COL6A3: variants seen among roughly 807,000 people sequenced by gnomAD.
COL6A3 encodes the protein collagen alpha-3(VI) chain.
COL6A3 carries 137 observed loss-of-function variants against 274.1 expected under a neutral mutation model. The ratio of observed to expected loss-of-function variants is 0.50; its 90% CI spans 0.44 to 0.58. COL6A3 has a LOEUF of 0.58. Ranked by LOEUF, COL6A3 falls within the 20% of genes least tolerant of loss-of-function variation. The pLI is 0.00. For synonymous variants in COL6A3, 1,650 were observed against 1,650.6 expected (o/e 1.00, Z 0.01); for missense variants, 3,950 against 4,124.9 (o/e 0.96, Z 1.16).
At position 237,357,060 on chromosome 2, in the gene COL6A3, A is replaced by C. The variant is rs1232361728; in HGVS notation, c.6591+278T>G. 5.5e-6 allele frequency: 3 copies of C among 541,510 alleles called. No homozygotes were observed. In the African/African-American group the frequency reaches 5.7e-5, roughly 10 times the overall value. The allele number at this position is 541,510 out of a possible 1,614,324, so 33.5% of individuals were successfully genotyped here. On this transcript the variant is annotated intron_variant, in intron 23 of 43. Coordinates refer to ENST00000295550, the MANE Select transcript of COL6A3 (RefSeq NM_004369.4). The stretch of plus-strand genomic sequence containing the variant: ...TTGGGTCTCTTAAATATTTAGTTGG[A>C]TCAAACCTGGCCCGATATTTGAAAG...
rs896328556 is a variant in COL6A3 at position 237,385,571 on chromosome 2, C to T, written c.1312+2011G>A. 2.6e-5 allele frequency among the ~76,000 whole-genome samples: 4 copies of T among 152,210 alleles called. No individual in the cohort carries two copies. In the East Asian group the frequency reaches 7.7e-4, roughly 29 times the overall value. On this transcript the variant is annotated intron_variant, in intron 4 of 43. Transcript: ENST00000295550. Reference sequence around the variant, plus strand: ...CAGAAGACCCAAGACCAGAGACCAGCTTTCCCATCTACAGCCATGTTGCAT... The same window carrying T: ...CAGAAGACCCAAGACCAGAGACCAGTTTTCCCATCTACAGCCATGTTGCAT...
At chr2:237,369,212 T>A (rs757347877) in intron 9 of COL6A3, 35 bp from the exon 10 acceptor site, 39 of 1,601,240 alleles carry the variant, frequency 2.4e-5, no homozygotes, top group Non-Finnish European at 3.3e-5. Context: ...AAACATTCAG[T>A]GTGTAAGTAG....
intron 11 of COL6A3, among the ~76,000 whole-genome samples, 172 bp downstream of exon 11, chr2:237,366,515 C>T (rs2077556169): frequency 6.6e-6 from 1 of 152,108 alleles, no homozygotes; most frequent in African/African-American, 2.4e-5. Flanking sequence ...CTTGGAAGAA[C>T]GCCCTAGGTA....
Position 237,377,337 on chromosome 2 carries a change from C to T in COL6A3, c.2505G>A (p.Lys835=), listed in dbSNP as rs892390706. ...EEVPLAQPES[K]RDILFLFDGS... ...CGTCAAAGAGGAACAGAATGTCTCG[C>T]TTGCTCTCTGCAATGAAGGTAGATT... The change falls in exon 7 of 44, where the codon AAG becomes AAA. Residue 835 remains lysine (K), a synonymous_variant. Transcript: ENST00000295550. 15 of 1,599,904 alleles carry T rather than the reference C, an allele frequency of 9.4e-6. No individual in the cohort carries two copies. Among genetic ancestry groups the T allele is most frequent in the Admixed American group, 1.7e-5 (1 of 60,002 alleles).
At chr2:237,346,426 A>T in intron 32 of COL6A3, 77 bp downstream of exon 32, 1 of 1,246,508 alleles carries the variant, frequency 8.0e-7, no homozygotes, top group Non-Finnish European at 1.2e-6. Context: ...AGCAAAGCAG[A>T]TGGTGGGAAG....
rs771629624 is a variant in COL6A3 at position 237,348,403 on chromosome 2, T to A, written c.6931-19A>T. ...TTTCTCCCTATAAAGGAAAAATAGA[T>A]TATTTAATACTTGGTTCTAATTTAA... On this transcript the variant is annotated intron_variant, in intron 29 of 43. Transcript: ENST00000295550. 6.3e-6 allele frequency: 10 copies of A among 1,575,316 alleles called. No homozygotes were observed. Among genetic ancestry groups the A allele is most frequent in the Non-Finnish European group, 8.7e-6 (10 of 1,144,792 alleles).
chr2:237,396,579 T>C, intron 2 of COL6A3, 148 bp downstream of exon 2: 1 of 797,576 alleles, frequency 1.3e-6, no homozygotes, highest in South Asian at 1.5e-5. Flanking sequence ...CTATAAATCC[T>C]AGAACTATCC....
intron 4 of COL6A3, among the ~76,000 whole-genome samples, chr2:237,385,218 C>G (rs79284024): frequency 6.6e-6 from 1 of 152,170 alleles, no homozygotes; most frequent in African/African-American, 2.4e-5. Context: ...CTGTAACAGA[C>G]GAGCAGCCAC....
At position 237,372,947 on chromosome 2, in the gene COL6A3, TGAGAG is replaced by T. The variant is rs2077732033; in HGVS notation, c.3680-615_3680-611del. On this transcript the variant is annotated intron_variant, in intron 8 of 43. Transcript: ENST00000295550. The stretch of plus-strand genomic sequence containing the variant: ...ACTGCAGATGGTGCCACTGAGCAGG[TGAGAG>T]GAAAGGGAGCTGAGGAAGCGGAGAC... 2.0e-5 allele frequency among the ~76,000 whole-genome samples: 3 copies of T among 151,750 alleles called. No homozygotes were observed. The South Asian group carries it at 6.3e-4, about 32-fold the overall frequency.
chr2:237,340,758 C>T lies in COL6A3; in HGVS notation c.8158G>A (p.Glu2720Lys), dbSNP rs368129741. The change falls in exon 38 of 44, where the codon GAA becomes AAA. Residue 2720 changes from glutamate (E) to lysine (K), a missense_variant. Coordinates refer to ENST00000295550, the MANE Select transcript of COL6A3 (RefSeq NM_004369.4). The part of the protein sequence containing the change: ...QGTRALGSAI[E>K]YTIENVFESA... ...TCAAAGACATTCTCTATGGTGTATT[C>T]AATGGCACTGCCTAAGGCCCTGGTT... 5.0e-6 allele frequency: 8 copies of T among 1,614,004 alleles called. No homozygotes were observed. The highest frequency in any genetic ancestry group is 6.8e-6 in the Non-Finnish European group (8 of 1,180,042).
intron 7 of COL6A3, 79 bp downstream of exon 7, chr2:237,376,693 G>T: frequency 1.4e-6 from 2 of 1,408,912 alleles, no homozygotes; most frequent in Non-Finnish European, 2.0e-6. Context: ...TCTATCTAAG[G>T]ACCAGTGGCC....
intron 1 of COL6A3, among the ~76,000 whole-genome samples, chr2:237,400,640 A>T (rs2078566794): frequency 6.6e-6 from 1 of 152,144 alleles, no homozygotes. Context: ...AAAAAACAAA[A>T]AACCCAGGAC....
intron 16 of COL6A3, 145 bp downstream of exon 16, chr2:237,360,976 G>A (rs2077423190): frequency 2.7e-6 from 2 of 745,070 alleles, no homozygotes; most frequent in Non-Finnish European, 4.8e-6. Flanking sequence ...TCCAGGCAAA[G>A]TTGTTAAGAA....
intron 24 of COL6A3, 81 bp downstream of exon 24, chr2:237,354,816 GGA>G (rs774946631): frequency 4.7e-4 from 568 of 1,202,056 alleles, no homozygotes; most frequent in Non-Finnish European, 6.1e-4. Flanking sequence ...TGGGTTCACA[GGA>G]GAGAGTGTTT....
Position 237,396,319 on chromosome 2 carries a change from G to A in COL6A3, c.91+408C>T, listed in dbSNP as rs2078440203. Among the ~76,000 whole-genome samples, 4 of 152,192 alleles carry A rather than the reference G, an allele frequency of 2.6e-5. No homozygotes were observed. In the South Asian group the frequency reaches 8.3e-4, roughly 32 times the overall value. On this transcript the variant is annotated intron_variant, in intron 2 of 43. Coordinates refer to ENST00000295550, the MANE Select transcript of COL6A3 (RefSeq NM_004369.4). ...GCATCTGGAGTTAGAGAGAGAGGGT[G>A]ATCTTTGTATTTTTCAGGGAAAATA...
chr2:237,365,676 T>C, intron 12 of COL6A3, 22 bp downstream of exon 12: 1 of 1,612,754 alleles, frequency 6.2e-7, no homozygotes, highest in Admixed American at 1.7e-5. Flanking sequence ...AGGGAGCACC[T>C]GAACCAACTG....
At position 237,324,535 on chromosome 2, in the gene COL6A3, T is replaced by G. The variant is rs1699828541; in HGVS notation, c.*239A>C. The G allele has an allele frequency of 3.8e-6, 2 of 529,130 alleles. No homozygotes were observed. Among genetic ancestry groups the G allele is most frequent in the Admixed American group, 2.9e-5 (1 of 34,288 alleles). The allele number at this position is 529,130 out of a possible 1,614,324, so 32.8% of individuals were successfully genotyped here. A position where few individuals can be genotyped will look rare whatever the true frequency, so the allele number is the denominator to read the frequency against. On this transcript the variant is annotated 3_prime_UTR_variant, in exon 44 of 44. Transcript: ENST00000295550. ...CATAAACACCAGCAGTGGCTAACTG[T>G]TACACAACATTCAAAGTATTCGAGA...
intron 1 of COL6A3, among the ~76,000 whole-genome samples, chr2:237,397,292 G>A (rs1482030009): frequency 7.0e-6 from 1 of 143,066 alleles, no homozygotes; most frequent in Non-Finnish European, 1.5e-5. Context: ...AGGAAGAAGT[G>A]AAGGAAGGAA....
chr2:237,350,268 C>T (rs1244233926), intron 27 of COL6A3, 59 bp from the exon 28 acceptor site: 1 of 1,526,986 alleles, frequency 6.5e-7, no homozygotes, highest in Non-Finnish European at 9.1e-7. Context: ...CAGTGTGATG[C>T]CAAGCCATGC....
Sources: gnomAD v4.1 joint callset for allele counts (sites outside exome capture counted in the v4.1 genomes callset) on GRCh38, gnomAD v4.1.1 for gene constraint, MANE v1.5 for transcripts, NCBI Gene and HGNC (gene_info 2026-07-23, HGNC 2026-07-21) for gene names.